Variants in CPE observed in about 807,000 individuals in gnomAD.
CPE encodes the protein carbocypeptidase E.
CPE carries 17 observed loss-of-function variants against 53.5 expected under a neutral mutation model. The ratio of observed to expected loss-of-function variants is 0.32; its 90% CI spans 0.22 to 0.48. The LOEUF (loss-of-function observed/expected upper bound fraction) is 0.48. Ranked by LOEUF, CPE falls within the 20% of genes least tolerant of loss-of-function variation. The probability of loss-of-function intolerance (pLI) is 0.99; values close to 1 mark genes in which losing one functional copy is unlikely to be tolerated. For synonymous variants in CPE, 226 were observed against 228.8 expected (o/e 0.99, Z 0.11); for missense variants, 524 against 614.7 (o/e 0.85, Z 1.56).
chr4:165,466,244 A>T (rs1318158326), intron 2 of CPE, among the ~76,000 whole-genome samples: 3 of 152,196 alleles, frequency 2.0e-5, no homozygotes, highest in Non-Finnish European at 4.4e-5. Flanking sequence ...GGCAACTGCA[A>T]CACACTAGTA....
intron 1 of CPE, among the ~76,000 whole-genome samples, chr4:165,436,898 A>G (rs1352043459): frequency 6.6e-6 from 1 of 152,254 alleles, no homozygotes; most frequent in East Asian, 1.9e-4. Context: ...CTAAAGGTTT[A>G]CCGAAAACCA....
Position 165,442,042 on chromosome 4 carries a change from TTTTTG to T in CPE, c.308-22343_308-22339del, listed in dbSNP as rs1560883511. Among the ~76,000 whole-genome samples the T allele has an allele frequency of 2.8e-3, 289 of 103,404 alleles. 13 individuals are homozygous for T. The highest frequency in any genetic ancestry group is 7.8e-3 in the African/African-American group (182 of 23,260). 67.8% of individuals were successfully genotyped at this position (103,404 alleles called of 152,430 possible). A position where few individuals can be genotyped will look rare whatever the true frequency, so the allele number is the denominator to read the frequency against. Reference sequence around the variant, plus strand: ...GAGTTTGTTTTTTTTTTTTGTTTTTTTTTTGTTTTTTTTTTTTTGAGACAGGGTCT... The same window carrying T: ...GAGTTTGTTTTTTTTTTTTGTTTTTTTTTTTTTTTTTTTGAGACAGGGTCT... On this transcript the variant is annotated intron_variant, in intron 1 of 8. Transcript: ENST00000402744.
At chr4:165,467,166 TA>T (rs1282211121) in intron 2 of CPE, among the ~76,000 whole-genome samples, 2 of 151,868 alleles carry the variant, frequency 1.3e-5, no homozygotes, top group African/African-American at 4.8e-5. Context: ...TTACCAAAAA[TA>T]AAAAACTTAG....
chr4:165,430,239 G>A (rs750479222), intron 1 of CPE, among the ~76,000 whole-genome samples: 1 of 152,122 alleles, frequency 6.6e-6, no homozygotes, highest in Non-Finnish European at 1.5e-5. Context: ...CTCAATTTTT[G>A]GAAGAAGTAA....
At chr4:165,401,301 G>A (rs886553600) in intron 1 of CPE, among the ~76,000 whole-genome samples, 4 of 152,184 alleles carry the variant, frequency 2.6e-5, no homozygotes, top group Non-Finnish European at 4.4e-5. Context: ...CTAGAAGCCG[G>A]TGAAGGAAAA....
intron 1 of CPE, among the ~76,000 whole-genome samples, chr4:165,437,579 C>T (rs1314247487): frequency 6.6e-6 from 1 of 152,100 alleles, no homozygotes; most frequent in African/African-American, 2.4e-5. Context: ...AGTTGTGGCT[C>T]TTGAGATCAT....
intron 1 of CPE, among the ~76,000 whole-genome samples, chr4:165,459,330 A>G (rs1372320752): frequency 6.6e-6 from 1 of 152,178 alleles, no homozygotes; most frequent in Non-Finnish European, 1.5e-5. Context: ...GAGAATGCAA[A>G]TCCAACCAGG....
chr4:165,446,013 G>A (rs1003671860), intron 1 of CPE, among the ~76,000 whole-genome samples: 19 of 152,180 alleles, frequency 1.2e-4, no homozygotes, highest in African/African-American at 4.3e-4. Flanking sequence ...GAGGGAAAAC[G>A]ATGTTGGTGT....
At chr4:165,471,214 G>A (rs946132345) in intron 3 of CPE, among the ~76,000 whole-genome samples, 1 of 152,134 alleles carries the variant, frequency 6.6e-6, no homozygotes, top group African/African-American at 2.4e-5. Context: ...ATTCCAATGT[G>A]TTCCCAGAAT....
intron 1 of CPE, among the ~76,000 whole-genome samples, chr4:165,442,019 GT>G (rs1388736727): frequency 1.1e-5 from 1 of 94,174 alleles, no homozygotes; most frequent in African/African-American, 4.5e-5. Flanking sequence ...AAGACGGTGA[GT>G]TTGTTTTTTT....
chr4:165,405,527 T>C (rs1313744723), intron 1 of CPE: 3 of 956,042 alleles, frequency 3.1e-6, no homozygotes, highest in Non-Finnish European at 5.1e-6. Context: ...TTTGTAAATC[T>C]GTTGCCTGAC....
chr4:165,397,112 C>T (rs1335241937), intron 1 of CPE, among the ~76,000 whole-genome samples: 5 of 151,718 alleles, frequency 3.3e-5, no homozygotes, highest in African/African-American at 9.7e-5. Flanking sequence ...CAACTGAAAA[C>T]AAAAAGTATT....
intron 1 of CPE, among the ~76,000 whole-genome samples, chr4:165,383,395 C>A (rs939475906): frequency 6.6e-6 from 1 of 152,120 alleles, no homozygotes; most frequent in Non-Finnish European, 1.5e-5. Flanking sequence ...ATAAAAGAAA[C>A]CTTTATTAAC....
chr4:165,494,368 AGGAGGG>A (rs1732665396), intron 7 of CPE, among the ~76,000 whole-genome samples: 1 of 152,234 alleles, frequency 6.6e-6, no homozygotes, highest in Admixed American at 6.5e-5. Context: ...ATTAAATCAG[AGGAGGG>A]GCTCTAGAAT....
intron 5 of CPE, among the ~76,000 whole-genome samples, chr4:165,485,958 T>G (rs1732498959): frequency 6.6e-6 from 1 of 152,086 alleles, no homozygotes; most frequent in East Asian, 1.9e-4. Context: ...AGGAAGGGGA[T>G]AGAGCTAAAC....
chr4:165,480,536 C>T (rs1450683362), intron 3 of CPE, among the ~76,000 whole-genome samples: 2 of 152,146 alleles, frequency 1.3e-5, no homozygotes. Context: ...TGAGACCAGC[C>T]TCTGCCAGTA....
chr4:165,429,717 A>AAGAAG (rs1731378340), intron 1 of CPE, among the ~76,000 whole-genome samples: 1 of 151,352 alleles, frequency 6.6e-6, no homozygotes. Flanking sequence ...AAAAAAAGTT[A>AAGAAG]CTAAGCTTCT....
At chr4:165,398,413 T>C (rs1001242960) in intron 1 of CPE, among the ~76,000 whole-genome samples, 23 of 152,120 alleles carry the variant, frequency 1.5e-4, no homozygotes, top group Admixed American at 1.4e-3. Context: ...TAGGTACATA[T>C]ATACATATAG....
At chr4:165,404,659 A>G (rs1226115167) in intron 1 of CPE, 1 of 1,053,838 alleles carries the variant, frequency 9.5e-7, no homozygotes, top group Non-Finnish European at 1.5e-6. Flanking sequence ...TCTTTGGGTC[A>G]ACTCCTTCCT....
Sources: allele counts gnomAD v4.1 joint callset (sites outside exome capture counted in the v4.1 genomes callset), GRCh38; gene constraint gnomAD v4.1.1; transcripts MANE v1.5; gene names NCBI Gene and HGNC (gene_info 2026-07-23, HGNC 2026-07-21).